Variants in RAP2A observed in about 807,000 individuals in gnomAD.
RAP2A encodes the protein ras-related protein Rap-2a.
Under a neutral mutation model 15.1 loss-of-function variants are expected in RAP2A, and 5 were observed. That is an observed-to-expected ratio of 0.33 (90% CI 0.17 to 0.70). The LOEUF is 0.70. Ranked by LOEUF, RAP2A falls within the 30% of genes least tolerant of loss-of-function variation. The pLI is 0.68. For missense variants in RAP2A, 111 were observed against 240.3 expected, an observed-to-expected ratio of 0.46 and a Z score of 3.56; for synonymous variants, 110 against 99.7, an observed-to-expected ratio of 1.10 and a Z score of -0.62.
intron 1 of RAP2A, among the ~76,000 whole-genome samples, chr13:97,443,329 T>G (rs1308137364): frequency 6.6e-6 from 1 of 152,240 alleles, no homozygotes; most frequent in Non-Finnish European, 1.5e-5. Flanking sequence ...TATTAATAAT[T>G]CAATGCATAT....
chr13:97,450,924 G>C (rs189139996), intron 1 of RAP2A, among the ~76,000 whole-genome samples: 1 of 152,156 alleles, frequency 6.6e-6, no homozygotes, highest in Non-Finnish European at 1.5e-5. Context: ...GCAATATATA[G>C]ATCTAATAGT....
At chr13:97,452,695 G>T (rs2066707729) in intron 1 of RAP2A, among the ~76,000 whole-genome samples, 1 of 150,670 alleles carries the variant, frequency 6.6e-6, no homozygotes, top group Admixed American at 6.6e-5. Context: ...CTGGCATTTT[G>T]ATTGGGATTG....
chr13:97,460,590 A>G (rs1203184669), intron 1 of RAP2A, among the ~76,000 whole-genome samples: 1 of 152,056 alleles, frequency 6.6e-6, no homozygotes, highest in Non-Finnish European at 1.5e-5. Context: ...GCAGTCATCT[A>G]CTGTCAACAC....
chr13:97,448,203 G>A (rs984924855), intron 1 of RAP2A, among the ~76,000 whole-genome samples: 5 of 152,142 alleles, frequency 3.3e-5, no homozygotes, highest in Non-Finnish European at 7.3e-5. Context: ...AGACTAGATG[G>A]TTAGTTTTGG....
intron 1 of RAP2A, among the ~76,000 whole-genome samples, chr13:97,462,024 TTATATATTTA>T (rs561869430): frequency 0.011 from 1,530 of 144,110 alleles, 25 homozygotes; most frequent in African/African-American, 0.036. Flanking sequence ...ATATAGATAT[TTATATATTTA>T]TATATATTTA....
chr13:97,451,234 T>G (rs1306868205), intron 1 of RAP2A, among the ~76,000 whole-genome samples: 1 of 152,146 alleles, frequency 6.6e-6, no homozygotes, highest in Non-Finnish European at 1.5e-5. Context: ...TCTTACTGAT[T>G]TTTTTTGTTT....
chr13:97,457,247 G>GATATATATATATACATAT (rs1161509268), intron 1 of RAP2A, among the ~76,000 whole-genome samples: 1 of 150,480 alleles, frequency 6.6e-6, no homozygotes, highest in Non-Finnish European at 1.5e-5. Flanking sequence ...ACACGTGAGA[G>GATATATATATATACATAT]ATATATATAT....
chr13:97,442,012 A>G (rs2066659983), intron 1 of RAP2A, among the ~76,000 whole-genome samples: 1 of 152,108 alleles, frequency 6.6e-6, no homozygotes, highest in Admixed American at 6.6e-5. Context: ...TATCATTAAA[A>G]ATTATTCTCA....
At chr13:97,446,098 A>G (rs2066678241) in intron 1 of RAP2A, among the ~76,000 whole-genome samples, 2 of 152,168 alleles carry the variant, frequency 1.3e-5, no homozygotes, top group South Asian at 2.1e-4. Flanking sequence ...CATTGCTTCA[A>G]TCTATTCCCT....
chr13:97,435,091 A>G (rs939293603), intron 1 of RAP2A, among the ~76,000 whole-genome samples: 2 of 152,162 alleles, frequency 1.3e-5, no homozygotes, highest in Admixed American at 6.5e-5. Context: ...GGGTGGATAG[A>G]TTTGTCTTGG....
intron 1 of RAP2A, among the ~76,000 whole-genome samples, chr13:97,455,459 G>C (rs1209850296): frequency 1.3e-5 from 2 of 151,336 alleles, no homozygotes; most frequent in Admixed American, 1.3e-4. Flanking sequence ...GACATTTTTA[G>C]TATTATGTTG....
chr13:97,434,379 G>C lies in RAP2A; in HGVS notation c.-92G>C. The C allele has an allele frequency of 1.0e-5, 10 of 972,276 alleles. No homozygotes were observed. The highest frequency in any genetic ancestry group is 1.2e-5 in the Non-Finnish European group (10 of 817,704). 60.2% of individuals were successfully genotyped at this position (972,276 alleles called of 1,614,324 possible). A position where few individuals can be genotyped will look rare whatever the true frequency, so the allele number is the denominator to read the frequency against. On this transcript the variant is annotated 5_prime_UTR_variant, in exon 1 of 2. Transcript: ENST00000245304. ...TGGGGGCGGCAGCGGGAGGCGGCGG[G>C]GCGGGCCGCCGGGGCCGGGGCTGGG... is the stretch of plus-strand genomic sequence containing the variant.
intron 1 of RAP2A, among the ~76,000 whole-genome samples, chr13:97,458,534 C>T (rs2066733573): frequency 6.6e-6 from 1 of 152,146 alleles, no homozygotes; most frequent in African/African-American, 2.4e-5. Context: ...GATTCCTAAA[C>T]CCTGCTGAAC....
rs376721028 is a variant in RAP2A, at chr13:97,464,506, A to G, written c.*64A>G. ...GTCGTAGGTGATAGAAAACTCGCCT[A>G]CTCCACTGCAGAACTTGCAGAATGC... On this transcript the variant is annotated 3_prime_UTR_variant, in exon 2 of 2. Transcript: ENST00000245304. 10 of 1,449,370 alleles carry G rather than the reference A, an allele frequency of 6.9e-6. No homozygotes were observed. The highest frequency in any genetic ancestry group is 1.2e-5 in the South Asian group (1 of 86,000). The allele number at this position is 1,449,370 out of a possible 1,614,324, so 89.8% of individuals were successfully genotyped here.
chr13:97,441,816 A>G (rs1191133847), intron 1 of RAP2A: 2 of 443,882 alleles, frequency 4.5e-6, no homozygotes, highest in South Asian at 3.2e-5. Flanking sequence ...TTTTGGAGTA[A>G]TAAGAGTTTG....
intron 1 of RAP2A, among the ~76,000 whole-genome samples, chr13:97,439,459 T>C (rs934510882): frequency 2.7e-5 from 4 of 150,800 alleles, no homozygotes; most frequent in Non-Finnish European, 5.9e-5. Flanking sequence ...TCAAACTCAG[T>C]GGTAGAGGAA....
intron 1 of RAP2A, among the ~76,000 whole-genome samples, chr13:97,460,646 G>A (rs747786099): frequency 1.2e-4 from 18 of 152,122 alleles, no homozygotes; most frequent in Non-Finnish European, 2.6e-4. Flanking sequence ...TCTTTCTTAA[G>A]GAGGATCCAG....
intron 1 of RAP2A, among the ~76,000 whole-genome samples, chr13:97,435,166 G>T (rs901470669): frequency 1.3e-5 from 2 of 152,136 alleles, no homozygotes; most frequent in African/African-American, 4.8e-5. Context: ...ATCTGCCTTG[G>T]CAATGTTTGA....
In RAP2A at chr13:97,466,683, T is replaced by C. The variant is rs1176413396; in HGVS notation, c.*2241T>C. ...AAATAATATGAAAGATATGGCAGAA[T>C]GTAAAGTGGAAAAGATGACCTAAAA... is the stretch of plus-strand genomic sequence containing the variant. On this transcript the variant is annotated 3_prime_UTR_variant, in exon 2 of 2. Coordinates refer to ENST00000245304, the MANE Select transcript of RAP2A (RefSeq NM_021033.7). The C allele has an allele frequency of 1.3e-5, 2 of 152,188 alleles. No individual in the cohort carries two copies. The highest frequency in any genetic ancestry group is 6.5e-5 in the Admixed American group (1 of 15,282). The allele number at this position is 152,188 out of a possible 1,614,324, so 9.4% of individuals were successfully genotyped here. A position where few individuals can be genotyped will look rare whatever the true frequency, so the allele number is the denominator to read the frequency against.
Sources: allele counts gnomAD v4.1 joint callset (sites outside exome capture counted in the v4.1 genomes callset), GRCh38; gene constraint gnomAD v4.1.1; transcripts MANE v1.5; gene names NCBI Gene and HGNC (gene_info 2026-07-23, HGNC 2026-07-21).